Variants in CALCR observed in about 807,000 individuals in gnomAD.
CALCR encodes the protein calcitonin receptor.
In CALCR, 47 loss-of-function variants were observed where a neutral mutation model predicts 59.5. The observed-to-expected ratio is 0.79, with a 90% CI of 0.63 to 1.01. CALCR has a LOEUF of 1.01. Among genes scored for constraint, CALCR ranks in the 50% least tolerant of loss-of-function variants. CALCR has a pLI of 0.00. For synonymous variants in CALCR, 213 were observed against 211.3 expected (o/e 1.01, Z -0.07); for missense variants, 566 against 597.1 (o/e 0.95, Z 0.54).
chr7:93,500,546 T>C (rs190058077), intron 2 of CALCR, among the ~76,000 whole-genome samples: 9 of 152,056 alleles, frequency 5.9e-5, no homozygotes, highest in South Asian at 4.1e-4. Flanking sequence ...ATTTTCTGCC[T>C]CTCCCCCATA....
chr7:93,485,766 T>C (rs1800929269), intron 3 of CALCR, among the ~76,000 whole-genome samples: 1 of 151,516 alleles, frequency 6.6e-6, no homozygotes, highest in Non-Finnish European at 1.5e-5. Flanking sequence ...CTAATTACTT[T>C]TAGAAAATTT....
At chr7:93,474,283 C>T (rs1245641746) in intron 5 of CALCR, among the ~76,000 whole-genome samples, 1 of 151,546 alleles carries the variant, frequency 6.6e-6, no homozygotes, top group Non-Finnish European at 1.5e-5. Context: ...GATAAACACA[C>T]TGTAAAACTA....
intron 4 of CALCR, among the ~76,000 whole-genome samples, chr7:93,478,845 C>T (rs1369404841): frequency 2.0e-5 from 3 of 151,688 alleles, no homozygotes. Context: ...TCTAGAGAAG[C>T]TGGTAGATAA....
chr7:93,557,335 T>A (rs1459926221), intron 2 of CALCR, among the ~76,000 whole-genome samples: 1 of 151,856 alleles, frequency 6.6e-6, no homozygotes, highest in African/African-American at 2.4e-5. Context: ...TATGTTTTGA[T>A]ATATGTATAC....
chr7:93,460,586 T>A lies in CALCR; in HGVS notation c.648+235A>T, dbSNP rs1489225365. On this transcript the variant is annotated intron_variant, in intron 8 of 13. Coordinates refer to ENST00000426151, the MANE Select transcript of CALCR (RefSeq NM_001742.4). ...AAAAAAAAAAAAATATATATATATA[T>A]ATATATGTATATATATATATATATA... is the stretch of plus-strand genomic sequence containing the variant. Among the ~76,000 whole-genome samples the A allele has an allele frequency of 7.0e-5, 8 of 113,802 alleles. 2 individuals are homozygous for A. Among genetic ancestry groups the A allele is most frequent in the African/African-American group, 3.3e-4 (8 of 24,572 alleles). The allele number at this position is 113,802 out of a possible 152,430, so 74.7% of individuals were successfully genotyped here.
intron 2 of CALCR, among the ~76,000 whole-genome samples, chr7:93,497,638 A>G (rs778009594): frequency 1.3e-5 from 2 of 151,526 alleles, no homozygotes; most frequent in Non-Finnish European, 3.0e-5. Flanking sequence ...ATCCCTGACT[A>G]CAACCAGCCC....
At chr7:93,555,538 C>CAACAAA (rs1172093883) in intron 2 of CALCR, among the ~76,000 whole-genome samples, 1 of 152,026 alleles carries the variant, frequency 6.6e-6, no homozygotes, top group African/African-American at 2.4e-5. Flanking sequence ...ACAACAACAA[C>CAACAAA]AACAAAAACC....
At chr7:93,494,055 A>C (rs945230516) in intron 2 of CALCR, among the ~76,000 whole-genome samples, 2 of 151,374 alleles carry the variant, frequency 1.3e-5, no homozygotes, top group African/African-American at 4.8e-5. Context: ...CTGAGAGAAG[A>C]AGGATATGTA....
intron 5 of CALCR, among the ~76,000 whole-genome samples, chr7:93,473,454 T>C (rs910674923): frequency 2.6e-5 from 4 of 151,758 alleles, no homozygotes; most frequent in East Asian, 1.9e-4. Flanking sequence ...ATGTGCCAAC[T>C]GGTCAGAGGA....
intron 3 of CALCR, among the ~76,000 whole-genome samples, chr7:93,486,087 G>T (rs1800937777): frequency 6.6e-6 from 1 of 151,494 alleles, no homozygotes; most frequent in African/African-American, 2.4e-5. Context: ...GCTTTGTGTG[G>T]GTCAGTATGA....
intron 2 of CALCR, among the ~76,000 whole-genome samples, chr7:93,530,638 C>T (rs1788806968): frequency 6.6e-6 from 1 of 152,092 alleles, no homozygotes; most frequent in Non-Finnish European, 1.5e-5. Context: ...TGGTTAACTC[C>T]TTTGACTGAG....
chr7:93,554,132 T>C (rs907705846), intron 2 of CALCR, among the ~76,000 whole-genome samples: 21 of 152,336 alleles, frequency 1.4e-4, no homozygotes, highest in African/African-American at 5.1e-4. Context: ...AGTGTGACAT[T>C]TTCACGTGGA....
intron 2 of CALCR, among the ~76,000 whole-genome samples, chr7:93,503,246 G>A (rs1034970858): frequency 6.6e-6 from 1 of 152,098 alleles, no homozygotes; most frequent in African/African-American, 2.4e-5. Flanking sequence ...TGTTCTCAGG[G>A]CAGAGGATGG....
At chr7:93,434,733 T>A (rs1052598205) in intron 12 of CALCR, among the ~76,000 whole-genome samples, 1 of 152,174 alleles carries the variant, frequency 6.6e-6, no homozygotes, top group Non-Finnish European at 1.5e-5. Flanking sequence ...AGTGCAATAC[T>A]GTACCCACCG....
At chr7:93,493,152 A>G (rs1367933485) in intron 2 of CALCR, among the ~76,000 whole-genome samples, 1 of 151,370 alleles carries the variant, frequency 6.6e-6, no homozygotes, top group Non-Finnish European at 1.5e-5. Context: ...AGATAGCTAT[A>G]TATCTCTGGC....
Position 93,561,424 on chromosome 7 carries a change from C to T in CALCR, c.-27+12865G>A, listed in dbSNP as rs548106174. The stretch of plus-strand genomic sequence containing the variant: ...GGTACCACCCTTCATTCCCTAATAG[C>T]ATTTTTGCTTTTTCAAAAGAGCCCA... On this transcript the variant is annotated intron_variant, in intron 2 of 13. Coordinates refer to ENST00000426151, the MANE Select transcript of CALCR (RefSeq NM_001742.4). 9.9e-5 allele frequency among the ~76,000 whole-genome samples: 15 copies of T among 152,202 alleles called. No homozygotes were observed. The South Asian group carries it at 1.5e-3, about 15-fold the overall frequency.
chr7:93,569,767 G>A (rs1307426914), intron 2 of CALCR, among the ~76,000 whole-genome samples: 2 of 152,108 alleles, frequency 1.3e-5, no homozygotes, highest in Non-Finnish European at 2.9e-5. Context: ...TTTGTTAGAT[G>A]TGTTATGGGA....
chr7:93,472,402 G>A lies in CALCR; in HGVS notation c.402C>T (p.Cys134=), dbSNP rs1800571716. The A allele has an allele frequency of 1.2e-6, 2 of 1,606,226 alleles. No individual in the cohort carries two copies. Among genetic ancestry groups the A allele is most frequent in the Non-Finnish European group, 1.7e-6 (2 of 1,174,212 alleles). ...NNRTWSNYTM[C]NAFTPEKLKN... is the part of the protein sequence containing the mutation. Reference sequence around the variant, plus strand: ...TCAGTTTCTCAGGAGTGAAAGCATTGCACATAGTATAGTTGGACCAGGTTC... The same window carrying A: ...TCAGTTTCTCAGGAGTGAAAGCATTACACATAGTATAGTTGGACCAGGTTC... Residue 134 remains cysteine, a synonymous_variant, in exon 6 of 14, where the codon TGC becomes TGT. Transcript: ENST00000426151.
chr7:93,523,787 G>T (rs1023270304), intron 2 of CALCR, among the ~76,000 whole-genome samples: 54 of 151,952 alleles, frequency 3.6e-4, no homozygotes, highest in Admixed American at 3.1e-3. Flanking sequence ...TCAATATAAA[G>T]AAGTTTCTAA....
Sources: allele counts gnomAD v4.1 joint callset (sites outside exome capture counted in the v4.1 genomes callset), GRCh38; gene constraint gnomAD v4.1.1; transcripts MANE v1.5; gene names NCBI Gene and HGNC (gene_info 2026-07-23, HGNC 2026-07-21).